The following TIMELESS variants were observed in gnomAD, a reference collection of about 807,000 sequenced individuals.
TIMELESS encodes the protein timeless circadian regulator.
Under a neutral mutation model 164.3 loss-of-function variants are expected in TIMELESS, and 124 were observed. The observed-to-expected ratio is 0.75, with a 90% CI of 0.65 to 0.88. The LOEUF is 0.88. Among genes scored for constraint, TIMELESS ranks in the 40% least tolerant of loss-of-function variants. The probability of loss-of-function intolerance (pLI) is 0.00; values close to 1 mark genes in which losing one functional copy is unlikely to be tolerated. For missense variants in TIMELESS, 1,422 were observed against 1,491.4 expected (o/e 0.95, Z 0.77); for synonymous variants, 564 against 563.4 (o/e 1.00, Z -0.02).
In TIMELESS at chr12:56,430,140, C is replaced by G; in HGVS notation, c.1051G>C (p.Glu351Gln). 1.2e-6 allele frequency: 2 copies of G among 1,613,808 alleles called. No homozygotes were observed. The highest frequency in any genetic ancestry group is 1.7e-6 in the Non-Finnish European group (2 of 1,179,940). ...FLRDFCSEFLENCYNRLMGSV... is the reference protein window; with the variant it reads ...FLRDFCSEFLQNCYNRLMGSV... ...CCCATGAGCCGGTTGTAACAGTTCT[C>G]CAGGAACTCAGAGCAGAAGTCTCTG... The change falls in exon 10 of 29, where the codon GAG (glutamate) becomes CAG (glutamine). Residue 351 changes from glutamate (E) to glutamine (Q), a missense_variant. Coordinates refer to ENST00000553532, the MANE Select transcript of TIMELESS (RefSeq NM_003920.5).
intron 11 of TIMELESS, 41 bp from the exon 12 acceptor site, chr12:56,428,693 G>A (rs1265111542): frequency 6.3e-7 from 1 of 1,575,494 alleles, no homozygotes; most frequent in Non-Finnish European, 8.7e-7. Context: ...GGACAGCTTA[G>A]GGCAATGGCC....
In TIMELESS at chr12:56,418,572, C is replaced by CT. The variant is rs372018339; in HGVS notation, c.3229-214dup. On this transcript the variant is annotated intron_variant, in intron 26 of 28. Coordinates refer to ENST00000553532, the MANE Select transcript of TIMELESS (RefSeq NM_003920.5). ...CCAGTTATAGGTTTTTTTGGTTGTT[C>CT]TTTTTTTTTTTTTTTTTTTAAATGA... is the stretch of plus-strand genomic sequence containing the variant. Among the ~76,000 whole-genome samples the CT allele has an allele frequency of 2.2e-3, 285 of 126,790 alleles. 1 individual carries two copies. The highest frequency in any genetic ancestry group is 0.017 in the East Asian group (76 of 4,464). The allele number at this position is 126,790 out of a possible 152,430, so 83.2% of individuals were successfully genotyped here.
chr12:56,423,544 A>G (rs779156324), intron 17 of TIMELESS, 40 bp downstream of exon 17: 1 of 1,612,880 alleles, frequency 6.2e-7, no homozygotes, highest in Non-Finnish European at 8.5e-7. Flanking sequence ...CAGCCGCACA[A>G]TCGCCACTCT....
At position 56,431,709 on chromosome 12, in the gene TIMELESS, G is replaced by A. The variant is rs1162413160; in HGVS notation, c.688-105C>T. The A allele has an allele frequency of 1.9e-5, 26 of 1,394,538 alleles. No homozygotes were observed. The East Asian group carries it at 6.1e-4, about 33-fold the overall frequency. The allele number at this position is 1,394,538 out of a possible 1,614,324, so 86.4% of individuals were successfully genotyped here. On this transcript the variant is annotated intron_variant, in intron 7 of 28. Transcript: ENST00000553532. Reference sequence around the variant, plus strand: ...GTGAACAAAATAGAACCCCATTAATGGGGCATTGTGCTGTCGTTCTCCCTT... The same window carrying A: ...GTGAACAAAATAGAACCCCATTAATAGGGCATTGTGCTGTCGTTCTCCCTT...
At chr12:56,447,922 G>T (rs1565691490) in intron 1 of TIMELESS, among the ~76,000 whole-genome samples, 1 of 152,128 alleles carries the variant, frequency 6.6e-6, no homozygotes, top group Non-Finnish European at 1.5e-5. Context: ...ACTGAGATAT[G>T]AAAGAGGGCA....
At position 56,430,986 on chromosome 12, in the gene TIMELESS, T is replaced by C; in HGVS notation, c.822-18A>G. The C allele has an allele frequency of 6.5e-7, 1 of 1,528,960 alleles. No individual in the cohort carries two copies. The highest frequency in any genetic ancestry group is 2.4e-5 in the East Asian group (1 of 41,164). 94.7% of individuals were successfully genotyped at this position (1,528,960 alleles called of 1,614,324 possible). On this transcript the variant is annotated intron_variant, in intron 8 of 28. Transcript: ENST00000553532. ...GAGAATGCCTGCAGAAACAAAAAGG[T>C]CCAAGGTGATTTTTCAGTTCTCTGG...
intron 25 of TIMELESS, 43 bp from the exon 26 acceptor site, chr12:56,420,730 G>T (rs1374572092): frequency 1.2e-6 from 2 of 1,612,904 alleles, no homozygotes; most frequent in African/African-American, 2.7e-5. Context: ...TATAAGGGAA[G>T]AACTGGTTCT....
chr12:56,428,991 AC>A lies in TIMELESS; in HGVS notation c.1195del (p.Val399PhefsTer23). On this transcript the variant is annotated frameshift_variant, in exon 11 of 29. Transcript: ENST00000553532. LOFTEE classifies it high-confidence loss of function. Reference protein sequence around the residue: ...NRAASFRPGLVSETLSVRTFH... With the variant: ...NRAASFRPGLXSETLSVRTFH... ...GGTACGGACACTGAGGGTCTCAGAA[AC>A]CAGGCCTGGCCGGAAGGAGGCAGCT... 6.2e-7 allele frequency: 1 copy of A among 1,614,170 alleles called. No individual in the cohort carries two copies. Among genetic ancestry groups the A allele is most frequent in the Admixed American group, 1.7e-5 (1 of 60,010 alleles).
At chr12:56,420,000 C>A (rs550969619) in intron 26 of TIMELESS, among the ~76,000 whole-genome samples, 1 of 27,336 alleles carries the variant, frequency 3.7e-5, no homozygotes, top group African/African-American at 1.0e-4. Flanking sequence ...GAGTGAGACT[C>A]TGTCTCAAAA....
At chr12:56,448,509 G>T (rs946200509) in intron 1 of TIMELESS, among the ~76,000 whole-genome samples, 2 of 151,638 alleles carry the variant, frequency 1.3e-5, no homozygotes, top group African/African-American at 2.4e-5. Flanking sequence ...GGCGGATCAC[G>T]AAGTCAGGAG....
chr12:56,429,126 G>C, intron 10 of TIMELESS, 26 bp from the exon 11 acceptor site: 1 of 1,578,606 alleles, frequency 6.3e-7, no homozygotes. Flanking sequence ...GAAAAAAAAA[G>C]ATCACCATGA....
Position 56,421,167 on chromosome 12 carries a change from T to G in TIMELESS, c.2869-33A>C, listed in dbSNP as rs775174717. The G allele has an allele frequency of 1.9e-6, 3 of 1,612,826 alleles. No individual in the cohort carries two copies. The South Asian group carries it at 3.3e-5, about 18-fold the overall frequency. ...TCATTGGGGGTTGGGGGAATGAAAA[T>G]GAAGGCAACACAAGGAACTTAGTGG... On this transcript the variant is annotated intron_variant, in intron 23 of 28. Transcript: ENST00000553532.
At chr12:56,431,363 A>G (rs1367831674) in intron 8 of TIMELESS, 108 bp downstream of exon 8, 1 of 1,393,082 alleles carries the variant, frequency 7.2e-7, no homozygotes. Flanking sequence ...TCAAAAAAAA[A>G]AAAAAAAAAC....
rs1267231033 is a variant in TIMELESS, at chr12:56,433,840, G to C, written c.184C>G (p.Gln62Glu). ...GTGAGGATGGGCAGAAGGTCGCTCTGTAGGATCTGGGCTGCCCCCAGCTGC... is the reference window on the plus strand; with the variant it reads ...GTGAGGATGGGCAGAAGGTCGCTCTCTAGGATCTGGGCTGCCCCCAGCTGC... ...RQQLGAAQIL[Q>E]SDLLPILTQH... Residue 62 changes from glutamine to glutamate, a missense_variant, in exon 3 of 29, where the codon CAG (glutamine) becomes GAG (glutamate). Coordinates refer to ENST00000553532, the MANE Select transcript of TIMELESS (RefSeq NM_003920.5). 3 of 1,614,080 alleles carry C rather than the reference G, an allele frequency of 1.9e-6. No individual in the cohort carries two copies. The highest frequency in any genetic ancestry group is 2.5e-6 in the Non-Finnish European group (3 of 1,180,058).
chr12:56,442,785 CAGA>C (rs1357037197), intron 1 of TIMELESS, among the ~76,000 whole-genome samples: 5 of 152,204 alleles, frequency 3.3e-5, no homozygotes, highest in Admixed American at 6.5e-5. Flanking sequence ...GAAGCCACAG[CAGA>C]AGAACATAAA....
At chr12:56,431,395 C>T in intron 8 of TIMELESS, 76 bp downstream of exon 8, 2 of 1,441,470 alleles carry the variant, frequency 1.4e-6, no homozygotes, top group African/African-American at 2.8e-5. Flanking sequence ...GTTCAATCAC[C>T]CCACCTTAGA....
At chr12:56,421,230 T>G in intron 23 of TIMELESS, 96 bp from the exon 24 acceptor site, 8 of 1,586,912 alleles carry the variant, frequency 5.0e-6, no homozygotes, top group Non-Finnish European at 6.0e-6. Flanking sequence ...CCCCCGCGCC[T>G]GCTCTCTCGG....
rs1881458025 is a variant in TIMELESS at position 56,420,951 on chromosome 12, CA to C, written c.3040+11del. On this transcript the variant is annotated intron_variant, in intron 24 of 28. Coordinates refer to ENST00000553532, the MANE Select transcript of TIMELESS (RefSeq NM_003920.5). ...CTCCACCTGAGACATCTCTCCCAGC[CA>C]AAGTCCTCACCTTCCTGATGCAGGC... is the stretch of plus-strand genomic sequence containing the variant. 6.2e-7 allele frequency: 1 copy of C among 1,613,998 alleles called. No individual in the cohort carries two copies. Among genetic ancestry groups the C allele is most frequent in the African/African-American group, 1.3e-5 (1 of 74,916 alleles).
At chr12:56,448,683 G>A (rs1351182390) in intron 1 of TIMELESS, among the ~76,000 whole-genome samples, 1 of 150,510 alleles carries the variant, frequency 6.6e-6, no homozygotes, top group Non-Finnish European at 1.5e-5. Context: ...GAGCCGAGAT[G>A]GCGCCACTGC....
Sources: gnomAD v4.1 joint callset for allele counts (sites outside exome capture counted in the v4.1 genomes callset) on GRCh38, gnomAD v4.1.1 for gene constraint, MANE v1.5 for transcripts, NCBI Gene and HGNC (gene_info 2026-07-23, HGNC 2026-07-21) for gene names.